CTNNA3: variants seen among roughly 807,000 people sequenced by gnomAD.
CTNNA3 encodes the protein catenin alpha 3, also known as catenin alpha-3.
A neutral mutation model predicts 95.7 loss-of-function variants in CTNNA3; 76 were observed. That is an observed-to-expected ratio of 0.79 (90% CI 0.66 to 0.96). CTNNA3 has a LOEUF of 0.96. Among genes scored for constraint, CTNNA3 ranks in the 40% least tolerant of loss-of-function variants. The pLI, the probability that CTNNA3 is intolerant of heterozygous loss-of-function variation, is 0.00. For missense variants in CTNNA3, 1,191 were observed against 1,089.8 expected (o/e 1.09, Z -1.31); for synonymous variants, 431 against 374.4 (o/e 1.15, Z -1.74).
At chr10:67,685,867 CCT>C (rs1184065045) in intron 1 of CTNNA3, among the ~76,000 whole-genome samples, 3 of 151,882 alleles carry the variant, frequency 2.0e-5, no homozygotes, top group African/African-American at 7.3e-5. Flanking sequence ...TCTGTATCTT[CCT>C]CTCTCTGTCT....
chr10:67,438,342 A>G (rs1209720976), intron 5 of CTNNA3, among the ~76,000 whole-genome samples: 2 of 152,210 alleles, frequency 1.3e-5, no homozygotes, highest in Non-Finnish European at 2.9e-5. Flanking sequence ...TCAGGACAGT[A>G]TCTGACACAC....
chr10:66,602,281 T>G (rs1843955659), intron 10 of CTNNA3, among the ~76,000 whole-genome samples: 1 of 151,936 alleles, frequency 6.6e-6, no homozygotes, highest in Non-Finnish European at 1.5e-5. Flanking sequence ...AGCCTCACAT[T>G]TAAAATGACA....
Position 66,021,851 on chromosome 10 carries a change from G to GTTTTTTTTTTTTTTTT in CTNNA3, c.2160-33055_2160-33054insAAAAAAAAAAAAAAAA, listed in dbSNP as rs1564583857. Among the ~76,000 whole-genome samples the GTTTTTTTTTTTTTTTT allele has an allele frequency of 2.4e-3, 101 of 41,590 alleles. 2 individuals are homozygous for GTTTTTTTTTTTTTTTT. Among genetic ancestry groups the GTTTTTTTTTTTTTTTT allele is most frequent in the South Asian group, 8.3e-3 (5 of 606 alleles). The allele number at this position is 41,590 out of a possible 152,430, so 27.3% of individuals were successfully genotyped here. On this transcript the variant is annotated intron_variant, in intron 15 of 17. Transcript: ENST00000433211. ...TGGAAATTCCATATACAGGATCTTG[G>GTTTTTTTTTTTTTTTT]CTTTTTTTTTTTTTTTTAGATAGAT...
chr10:66,147,718 C>T (rs1292407584), intron 13 of CTNNA3, among the ~76,000 whole-genome samples: 7 of 145,604 alleles, frequency 4.8e-5, no homozygotes, highest in Non-Finnish European at 7.5e-5. Context: ...CTGTAAGATA[C>T]GTTTATAAAA....
At chr10:66,948,662 G>T (rs571534979) in intron 7 of CTNNA3, among the ~76,000 whole-genome samples, 1 of 152,128 alleles carries the variant, frequency 6.6e-6, no homozygotes, top group Non-Finnish European at 1.5e-5. Flanking sequence ...AGGACATGGG[G>T]TGTTCTATCC....
intron 7 of CTNNA3, among the ~76,000 whole-genome samples, chr10:67,132,925 G>A (rs531438628): frequency 3.5e-4 from 53 of 151,840 alleles, no homozygotes; most frequent in African/African-American, 1.2e-3. Flanking sequence ...GGGTGAGTGG[G>A]GGTGAGGGGG....
intron 1 of CTNNA3, among the ~76,000 whole-genome samples, chr10:67,731,425 G>A (rs1841273012): frequency 6.6e-6 from 1 of 152,068 alleles, no homozygotes. Flanking sequence ...AGGTTGCAGT[G>A]AGCCGAGATC....
chr10:66,823,429 C>A (rs2132297829), intron 7 of CTNNA3, among the ~76,000 whole-genome samples: 1 of 152,136 alleles, frequency 6.6e-6, no homozygotes, highest in East Asian at 1.9e-4. Flanking sequence ...TATTTACTAA[C>A]TGTGGAAGCA....
chr10:66,685,433 C>T (rs779934748), intron 9 of CTNNA3, among the ~76,000 whole-genome samples: 91 of 117,380 alleles, frequency 7.8e-4, no homozygotes, highest in Non-Finnish European at 9.6e-4. Flanking sequence ...AGTGCAGTGG[C>T]GCTATCTCGG....
chr10:66,237,991 G>T (rs1297074059), intron 13 of CTNNA3, among the ~76,000 whole-genome samples: 4 of 151,490 alleles, frequency 2.6e-5, no homozygotes, highest in African/African-American at 9.7e-5. Flanking sequence ...TTTCTAAATT[G>T]TCATAGAAAC....
At chr10:67,468,121 C>T (rs1250129341) in intron 5 of CTNNA3, among the ~76,000 whole-genome samples, 1 of 151,468 alleles carries the variant, frequency 6.6e-6, no homozygotes, top group African/African-American at 2.4e-5. Flanking sequence ...CAGATTATTT[C>T]ATCACCCAAG....
At chr10:67,686,499 T>C (rs1840734258) in intron 1 of CTNNA3, among the ~76,000 whole-genome samples, 1 of 152,156 alleles carries the variant, frequency 6.6e-6, no homozygotes, top group Non-Finnish European at 1.5e-5. Flanking sequence ...ATGTATGCAC[T>C]TGAAGCACTG....
chr10:66,265,030 C>A (rs912575149), intron 13 of CTNNA3, among the ~76,000 whole-genome samples: 2 of 152,040 alleles, frequency 1.3e-5, no homozygotes, highest in African/African-American at 2.4e-5. Flanking sequence ...TACTACCAAA[C>A]CTTCAATTCA....
At chr10:66,790,720 C>T (rs1840935578) in intron 7 of CTNNA3, among the ~76,000 whole-genome samples, 2 of 152,060 alleles carry the variant, frequency 1.3e-5, no homozygotes, top group Non-Finnish European at 2.9e-5. Flanking sequence ...TTATTCTCAT[C>T]TTAGGATACA....
intron 7 of CTNNA3, among the ~76,000 whole-genome samples, chr10:66,948,636 C>T (rs764873356): frequency 1.3e-5 from 2 of 152,122 alleles, no homozygotes; most frequent in Admixed American, 1.3e-4. Context: ...TTTATATCTA[C>T]AGGAAGAATA....
intron 6 of CTNNA3, among the ~76,000 whole-genome samples, chr10:67,206,343 A>G (rs956013314): frequency 3.3e-5 from 5 of 152,178 alleles, no homozygotes; most frequent in African/African-American, 1.2e-4. Context: ...TATATATCAC[A>G]TTCTGGTTTA....
Position 67,490,826 on chromosome 10 carries a change from A to G in CTNNA3, c.579+31016T>C, listed in dbSNP as rs985599661. Among the ~76,000 whole-genome samples, 3 of 152,248 alleles carry G rather than the reference A, an allele frequency of 2.0e-5. No individual in the cohort carries two copies. In the South Asian group the frequency reaches 6.2e-4, roughly 32 times the overall value. ...AAGGGTAACAAAGGAATGGAGAAGC[A>G]CTCTGGAAACTACACAGTGAACATA... On this transcript the variant is annotated intron_variant, in intron 5 of 17. Transcript: ENST00000433211.
intron 1 of CTNNA3, among the ~76,000 whole-genome samples, chr10:67,702,518 G>A (rs1564836481): frequency 6.6e-6 from 1 of 152,176 alleles, no homozygotes; most frequent in Non-Finnish European, 1.5e-5. Context: ...ACCTGCTCCT[G>A]AATGACTACT....
rs199776909 is a variant in CTNNA3, at chr10:67,590,221, G to A, written c.292+16636C>T. On this transcript the variant is annotated intron_variant, in intron 3 of 17. Transcript: ENST00000433211. Reference sequence around the variant, plus strand: ...TGGTTACTCACATAAGCCAAACAAAGTACTAAGGCTTTACTATCCTAGGGG... The same window carrying A: ...TGGTTACTCACATAAGCCAAACAAAATACTAAGGCTTTACTATCCTAGGGG... Among the ~76,000 whole-genome samples the A allele has an allele frequency of 1.1e-4, 17 of 152,142 alleles. No individual in the cohort carries two copies. The East Asian group carries it at 2.1e-3, about 19-fold the overall frequency.
Sources: allele counts gnomAD v4.1 joint callset (sites outside exome capture counted in the v4.1 genomes callset), GRCh38; gene constraint gnomAD v4.1.1; transcripts MANE v1.5; gene names NCBI Gene and HGNC (gene_info 2026-07-23, HGNC 2026-07-21).